Variants in CCDC148 observed in about 807,000 individuals in gnomAD.
The protein encoded by CCDC148 is coiled-coil domain containing 148.
Under a neutral mutation model 85.7 loss-of-function variants are expected in CCDC148, and 89 were observed. The ratio of observed to expected loss-of-function variants is 1.04; its 90% CI spans 0.87 to 1.24. The LOEUF is 1.24. CCDC148 is among the 50% of genes most tolerant of loss of function. The probability of loss-of-function intolerance (pLI) is 0.00; values close to 1 mark genes in which losing one functional copy is unlikely to be tolerated. For synonymous variants in CCDC148, 230 were observed against 213.9 expected (o/e 1.08, Z -0.66); for missense variants, 692 against 671.7 (o/e 1.03, Z -0.33).
At chr2:158,270,765 A>C (rs929486364) in intron 9 of CCDC148, among the ~76,000 whole-genome samples, 5 of 152,208 alleles carry the variant, frequency 3.3e-5, no homozygotes, top group Non-Finnish European at 5.9e-5. Flanking sequence ...TATTACATAT[A>C]CATGTTGATT....
chr2:158,231,623 A>T (rs1023019509), intron 10 of CCDC148, among the ~76,000 whole-genome samples: 8 of 152,094 alleles, frequency 5.3e-5, no homozygotes, highest in Admixed American at 5.2e-4. Context: ...AGCTAGGTGT[A>T]CCTTCTAAGG....
At chr2:158,251,358 A>G (rs1301324969) in intron 9 of CCDC148, among the ~76,000 whole-genome samples, 2 of 151,914 alleles carry the variant, frequency 1.3e-5, no homozygotes, top group Admixed American at 6.6e-5. Context: ...ACAGGCCTGA[A>G]TTAAGATGAA....
chr2:158,429,597 T>C (rs116924169), intron 1 of CCDC148, among the ~76,000 whole-genome samples: 1 of 152,168 alleles, frequency 6.6e-6, no homozygotes, highest in East Asian at 1.9e-4. Flanking sequence ...CGTAAGTGCA[T>C]ACATAAACAA....
At chr2:158,197,819 G>A (rs1411653122) in intron 11 of CCDC148, among the ~76,000 whole-genome samples, 1 of 151,844 alleles carries the variant, frequency 6.6e-6, no homozygotes, top group African/African-American at 2.4e-5. Flanking sequence ...CTAAATCTCT[G>A]GGTATATATT....
chr2:158,297,224 A>T (rs920438034), intron 9 of CCDC148, among the ~76,000 whole-genome samples: 1 of 152,226 alleles, frequency 6.6e-6, no homozygotes, highest in African/African-American at 2.4e-5. Flanking sequence ...TGTCTAATCA[A>T]CGAAGTATAT....
rs565272104 is a variant in CCDC148, at chr2:158,340,637, T to A, written c.295A>T (p.Asn99Tyr). ...SEIKSLLNEE[N>Y]IGNECLCDLT... is the part of the protein sequence containing the mutation. ...TCACAAAGACATTCATTTCCAATGT[T>A]CTCTTCATTGAGAAGGGATTTTATT... The change falls in exon 4 of 14, where the codon AAC (asparagine) becomes TAC (tyrosine). Residue 99 changes from asparagine (N) to tyrosine (Y), a missense_variant. Coordinates refer to ENST00000283233, the MANE Select transcript of CCDC148 (RefSeq NM_138803.4). 1 of 1,591,440 alleles carries A rather than the reference T, an allele frequency of 6.3e-7. No individual in the cohort carries two copies. Among genetic ancestry groups the A allele is most frequent in the Non-Finnish European group, 8.6e-7 (1 of 1,166,098 alleles).
At position 158,272,436 on chromosome 2, in the gene CCDC148, A is replaced by C. The variant is rs1452984845; in HGVS notation, c.1111-21524T>G. On this transcript the variant is annotated intron_variant, in intron 9 of 13. Transcript: ENST00000283233. ...AATAAAGTATTCTTGAATAAAAGTC[A>C]AAAAGAAAAAGTACACAACTACTGC... is the stretch of plus-strand genomic sequence containing the variant. 2.6e-5 allele frequency among the ~76,000 whole-genome samples: 4 copies of C among 152,352 alleles called. No individual in the cohort carries two copies. In the South Asian group the frequency reaches 6.2e-4, roughly 24 times the overall value.
At chr2:158,246,809 G>A (rs1688588597) in intron 10 of CCDC148, among the ~76,000 whole-genome samples, 1 of 152,162 alleles carries the variant, frequency 6.6e-6, no homozygotes, top group South Asian at 2.1e-4. Context: ...CCAGTGCTGT[G>A]CACTAGCCCT....
intron 7 of CCDC148, among the ~76,000 whole-genome samples, chr2:158,327,691 T>C (rs1014233277): frequency 1.3e-5 from 2 of 152,198 alleles, no homozygotes; most frequent in Non-Finnish European, 2.9e-5. Flanking sequence ...CAAATTCAGA[T>C]TAATATTTTA....
intron 10 of CCDC148, among the ~76,000 whole-genome samples, chr2:158,238,021 T>C (rs376791980): frequency 1.3e-5 from 2 of 152,052 alleles, no homozygotes; most frequent in East Asian, 3.9e-4. Flanking sequence ...TAAGCAATGA[T>C]GTTGGCAAGT....
intron 1 of CCDC148, among the ~76,000 whole-genome samples, chr2:158,451,071 A>ATTC: frequency 6.6e-6 from 1 of 152,010 alleles, no homozygotes; most frequent in Non-Finnish European, 1.5e-5. Context: ...GCCATCACAA[A>ATTC]TTTGCTATGG....
At chr2:158,290,531 T>C (rs1201942496) in intron 9 of CCDC148, among the ~76,000 whole-genome samples, 1 of 152,162 alleles carries the variant, frequency 6.6e-6, no homozygotes, top group Non-Finnish European at 1.5e-5. Flanking sequence ...CCCCTAGAAT[T>C]GAGTCTCAGG....
intron 1 of CCDC148, among the ~76,000 whole-genome samples, chr2:158,391,801 T>A (rs1049812119): frequency 6.6e-6 from 1 of 152,108 alleles, no homozygotes; most frequent in Non-Finnish European, 1.5e-5. Flanking sequence ...GGGACTGTGA[T>A]TACACAGACA....
intron 12 of CCDC148, among the ~76,000 whole-genome samples, chr2:158,177,162 G>A (rs996086401): frequency 1.3e-5 from 2 of 151,736 alleles, no homozygotes; most frequent in African/African-American, 2.4e-5. Context: ...AACAAGGTGG[G>A]TGAATTTCCT....
intron 1 of CCDC148, among the ~76,000 whole-genome samples, chr2:158,452,779 G>A (rs985661848): frequency 6.6e-6 from 1 of 152,138 alleles, no homozygotes; most frequent in African/African-American, 2.4e-5. Context: ...CTCCTTCAAG[G>A]GCTGTGGATA....
At chr2:158,385,119 A>T (rs1302571570) in intron 1 of CCDC148, among the ~76,000 whole-genome samples, 1 of 152,152 alleles carries the variant, frequency 6.6e-6, no homozygotes, top group Non-Finnish European at 1.5e-5. Flanking sequence ...GCCATGGATA[A>T]TCACCCTCAT....
In CCDC148 at chr2:158,250,771, C is replaced by CTTT; in HGVS notation, c.1249_1251dup (p.Lys417dup). ...ATTCGTATTGACAATAGATTTTTTA[C>CTTT]TTTTTTTTTCTTCTCTGCTCTTTGC... On this transcript the variant is annotated inframe_insertion and splice_region_variant. Coordinates refer to ENST00000283233, the MANE Select transcript of CCDC148 (RefSeq NM_138803.4). 1 of 1,535,176 alleles carries CTTT rather than the reference C, an allele frequency of 6.5e-7. No individual in the cohort carries two copies. Among genetic ancestry groups the CTTT allele is most frequent in the Non-Finnish European group, 8.7e-7 (1 of 1,143,016 alleles).
intron 6 of CCDC148, 40 bp downstream of exon 6, chr2:158,338,950 A>T (rs777210859): frequency 6.3e-7 from 1 of 1,599,906 alleles, no homozygotes; most frequent in Admixed American, 1.7e-5. Flanking sequence ...ATAAACGACA[A>T]ATTGATAAAC....
At chr2:158,290,513 A>G (rs183068505) in intron 9 of CCDC148, among the ~76,000 whole-genome samples, 1 of 152,216 alleles carries the variant, frequency 6.6e-6, no homozygotes, top group African/African-American at 2.4e-5. Context: ...TTTGCTTAGA[A>G]TACACCTCCC....
Sources: gnomAD v4.1 joint callset for allele counts (sites outside exome capture counted in the v4.1 genomes callset) on GRCh38, gnomAD v4.1.1 for gene constraint, MANE v1.5 for transcripts, NCBI Gene and HGNC (gene_info 2026-07-23, HGNC 2026-07-21) for gene names.